Variants in LRP1B observed in about 807,000 individuals in gnomAD.
The protein encoded by LRP1B is low-density lipoprotein receptor-related protein 1B.
LRP1B carries 217 observed loss-of-function variants against 556.6 expected under a neutral mutation model. The observed-to-expected ratio is 0.39, with a 90% CI of 0.35 to 0.44. The LOEUF is 0.44. Ranked by LOEUF, LRP1B falls within the 20% of genes least tolerant of loss-of-function variation. LRP1B has a pLI of 1.00. For synonymous variants in LRP1B, 2,047 were observed against 1,865.8 expected (o/e 1.10, Z -2.50); for missense variants, 5,053 against 5,620.8 (o/e 0.90, Z 3.23).
intron 14 of LRP1B, among the ~76,000 whole-genome samples, chr2:141,011,299 A>T (rs1324598647): frequency 6.6e-6 from 1 of 151,884 alleles, no homozygotes; most frequent in Non-Finnish European, 1.5e-5. Flanking sequence ...GATTCAAAAG[A>T]TGCAAAGAGT....
chr2:141,427,806 C>T (rs949384951), intron 3 of LRP1B, among the ~76,000 whole-genome samples: 8 of 152,110 alleles, frequency 5.3e-5, no homozygotes, highest in South Asian at 2.1e-4. Flanking sequence ...GAAACACTTA[C>T]TGCTATCATT....
At chr2:141,587,629 G>A (rs1687190563) in intron 2 of LRP1B, among the ~76,000 whole-genome samples, 1 of 152,052 alleles carries the variant, frequency 6.6e-6, no homozygotes. Flanking sequence ...ACACTAAAAT[G>A]CCTCCACATT....
At chr2:141,601,200 C>CT (rs1559168551) in intron 2 of LRP1B, among the ~76,000 whole-genome samples, 95 of 107,922 alleles carry the variant, frequency 8.8e-4, no homozygotes, top group African/African-American at 3.4e-3. Context: ...GTCTGTCTGT[C>CT]AGTATCTATC....
chr2:140,656,269 T>A (rs893256420), intron 41 of LRP1B, among the ~76,000 whole-genome samples: 1 of 152,200 alleles, frequency 6.6e-6, no homozygotes, highest in South Asian at 2.1e-4. Flanking sequence ...ACATAGAAAC[T>A]GGACATTTTT....
chr2:140,845,560 A>C (rs1400523151), intron 29 of LRP1B, among the ~76,000 whole-genome samples: 1 of 152,064 alleles, frequency 6.6e-6, no homozygotes, highest in Non-Finnish European at 1.5e-5. Context: ...AGAAAAAAAA[A>C]CAAAAGGTCC....
chr2:141,808,800 T>G (rs1045546416), intron 2 of LRP1B, among the ~76,000 whole-genome samples: 7 of 152,206 alleles, frequency 4.6e-5, no homozygotes, highest in African/African-American at 1.7e-4. Context: ...TCTGTCTCTA[T>G]AGATTTGCCT....
chr2:141,006,776 T>A (rs987142529), intron 14 of LRP1B, among the ~76,000 whole-genome samples: 13 of 152,024 alleles, frequency 8.6e-5, no homozygotes, highest in African/African-American at 3.1e-4. Context: ...GTACATAGCA[T>A]GCTACGGTAC....
intron 1 of LRP1B, among the ~76,000 whole-genome samples, chr2:141,902,227 A>G (rs1471797728): frequency 6.6e-6 from 1 of 151,730 alleles, no homozygotes; most frequent in African/African-American, 2.4e-5. Flanking sequence ...TCTTCCAGCC[A>G]TAATTTCCAC....
chr2:141,471,809 C>T (rs1682484457), intron 3 of LRP1B, among the ~76,000 whole-genome samples: 4 of 152,086 alleles, frequency 2.6e-5, no homozygotes, highest in African/African-American at 9.7e-5. Flanking sequence ...TGGAAAAGTC[C>T]TTACTGTATT....
intron 66 of LRP1B, among the ~76,000 whole-genome samples, chr2:140,437,429 A>C (rs1686233923): frequency 6.6e-6 from 1 of 152,218 alleles, no homozygotes. Context: ...AGGGGCACTG[A>C]GGATGTTCAG....
At chr2:141,222,482 C>T (rs1037914496) in intron 6 of LRP1B, among the ~76,000 whole-genome samples, 1 of 152,194 alleles carries the variant, frequency 6.6e-6, no homozygotes, top group Admixed American at 6.5e-5. Context: ...TCTTCTGAAA[C>T]TATTCCAAGC....
chr2:141,348,179 G>T (rs59394094), intron 3 of LRP1B, among the ~76,000 whole-genome samples: 8 of 151,942 alleles, frequency 5.3e-5, no homozygotes, highest in Non-Finnish European at 1.2e-4. Flanking sequence ...AGCTTTTCCC[G>T]TTGTGTGGGT....
intron 2 of LRP1B, among the ~76,000 whole-genome samples, chr2:141,752,744 A>T (rs1451178801): frequency 6.6e-6 from 1 of 151,216 alleles, no homozygotes; most frequent in Non-Finnish European, 1.5e-5. Context: ...AAAAATATCC[A>T]GCCTGGGCAA....
At chr2:140,250,533 T>TC (rs1403134185) in intron 86 of LRP1B, among the ~76,000 whole-genome samples, 2 of 151,766 alleles carry the variant, frequency 1.3e-5, no homozygotes, top group Non-Finnish European at 2.9e-5. Flanking sequence ...TTTTTTTTTT[T>TC]CCTAGCATTA....
At chr2:141,111,943 T>A (rs1236806611) in intron 7 of LRP1B, among the ~76,000 whole-genome samples, 1 of 151,308 alleles carries the variant, frequency 6.6e-6, no homozygotes, top group Non-Finnish European at 1.5e-5. Context: ...CTGCTGGGGG[T>A]GCTGAGGCAG....
At chr2:141,489,157 T>TG (rs1190660616) in intron 2 of LRP1B, among the ~76,000 whole-genome samples, 1 of 99,380 alleles carries the variant, frequency 1.0e-5, no homozygotes, top group Non-Finnish European at 2.0e-5. Flanking sequence ...GGGGACTGGG[T>TG]GGGGGGCAGA....
intron 66 of LRP1B, among the ~76,000 whole-genome samples, chr2:140,406,180 C>T (rs34233365): frequency 0.091 from 13,880 of 152,030 alleles, 753 homozygotes; most frequent in Middle Eastern, 0.14. Context: ...TAGTCATAGA[C>T]GGAACTTATG....
intron 60 of LRP1B, among the ~76,000 whole-genome samples, chr2:140,474,285 C>T (rs16844069): frequency 0.048 from 7,241 of 151,904 alleles, 215 homozygotes; most frequent in African/African-American, 0.051. Flanking sequence ...GAGTATTACT[C>T]GATGATTAAG....
intron 45 of LRP1B, among the ~76,000 whole-genome samples, chr2:140,538,754 A>G (rs7571856): frequency 0.49 from 74,526 of 151,812 alleles, 18,616 homozygotes; most frequent in South Asian, 0.59. Context: ...TTGAAAGTCT[A>G]TTGAGATTCC....
Sources: allele counts gnomAD v4.1 joint callset (sites outside exome capture counted in the v4.1 genomes callset), GRCh38; gene constraint gnomAD v4.1.1; transcripts MANE v1.5; gene names NCBI Gene and HGNC (gene_info 2026-07-23, HGNC 2026-07-21).